SEC24C: variants seen among roughly 807,000 people sequenced by gnomAD.
SEC24C encodes the protein SEC24 homolog C, COPII component, also known as protein transport protein Sec24C.
Under a neutral mutation model 117.0 loss-of-function variants are expected in SEC24C, and 22 were observed. The ratio of observed to expected loss-of-function variants is 0.19; its 90% CI spans 0.13 to 0.27. SEC24C has a LOEUF of 0.27. Ranked by LOEUF, SEC24C falls within the 10% of genes least tolerant of loss-of-function variation. The pLI is 1.00. For synonymous variants in SEC24C, 506 were observed against 529.4 expected, an observed-to-expected ratio of 0.96 and a Z score of 0.61; for missense variants, 1,155 against 1,375.1, an observed-to-expected ratio of 0.84 and a Z score of 2.53.
chr10:73,744,622 C>T (rs943670515), intron 1 of SEC24C, among the ~76,000 whole-genome samples, 185 bp downstream of exon 1: 4 of 152,166 alleles, frequency 2.6e-5, no homozygotes, highest in African/African-American at 9.7e-5. Context: ...CGTCTCCCGG[C>T]CCAGATTCCG....
chr10:73,754,347 A>C (rs1000008222), intron 3 of SEC24C, among the ~76,000 whole-genome samples: 3 of 152,126 alleles, frequency 2.0e-5, no homozygotes, highest in Non-Finnish European at 4.4e-5. Context: ...CCCAGGAGGC[A>C]GAGGTTGCAG....
chr10:73,770,291 C>G lies in SEC24C; in HGVS notation c.2874C>G (p.Pro958=). The part of the protein sequence containing the change: ...YPRLLPLTKS[P]VESTTEPPAV... Reference sequence around the variant, plus strand: ...TTCCTTTTGTCTAGACAAAGTCTCCCGTTGAGAGTACTACCGAACCACCAG... The same window carrying G: ...TTCCTTTTGTCTAGACAAAGTCTCCGGTTGAGAGTACTACCGAACCACCAG... Residue 958 remains proline, a synonymous_variant, in exon 21 of 23, where the codon CCC becomes CCG. Coordinates refer to ENST00000345254, the MANE Select transcript of SEC24C (RefSeq NM_198597.3). 1 of 1,606,772 alleles carries G rather than the reference C, an allele frequency of 6.2e-7. No individual in the cohort carries two copies. The highest frequency in any genetic ancestry group is 8.5e-7 in the Non-Finnish European group (1 of 1,176,126).
chr10:73,759,054 C>T (rs891874020), intron 3 of SEC24C, among the ~76,000 whole-genome samples: 3 of 152,156 alleles, frequency 2.0e-5, no homozygotes, highest in Admixed American at 6.5e-5. Flanking sequence ...AAACTAGCCA[C>T]GCATGGTGGC....
chr10:73,769,468 A>G lies in SEC24C; in HGVS notation c.2546A>G (p.Asn849Ser). The G allele has an allele frequency of 1.2e-6, 2 of 1,614,098 alleles. No individual in the cohort carries two copies. Among genetic ancestry groups the G allele is most frequent in the Non-Finnish European group, 1.7e-6 (2 of 1,180,014 alleles). The change falls in exon 18 of 23, where the codon AAC becomes AGC. Residue 849 changes from asparagine (N) to serine (S), a missense_variant. Coordinates refer to ENST00000345254, the MANE Select transcript of SEC24C (RefSeq NM_198597.3). The surrounding 1 kb of genome is among the most constrained non-coding windows in gnomAD (Gnocchi z 4.5). ...YRNCETDTLI[N>S]YMAKFAYRGV... is the part of the protein sequence containing the mutation. ...AACTGTGAGACTGACACGCTCATCA[A>G]CTACATGGCCAAGTTTGGTGAGGGT...
chr10:73,759,565 A>G, intron 3 of SEC24C, 57 bp from the exon 4 acceptor site: 1 of 1,362,794 alleles, frequency 7.3e-7, no homozygotes, highest in South Asian at 1.8e-5. Context: ...ACACTTCTGT[A>G]GACTTCAAAG....
chr10:73,746,700 G>C, intron 1 of SEC24C, 105 bp from the exon 2 acceptor site: 1 of 687,724 alleles, frequency 1.5e-6, no homozygotes, highest in Non-Finnish European at 2.3e-6. Context: ...TTATTAAACT[G>C]ATCACTGTCT....
In SEC24C at chr10:73,760,340, A is replaced by C; in HGVS notation, c.804A>C (p.Pro268=). Residue 268 remains proline, a synonymous_variant, in exon 5 of 23, where the codon CCA becomes CCC. Transcript: ENST00000345254. ...TQMTGPLGPL[P]PMHSPQQPGY... is the part of the protein sequence containing the mutation. ...TGACTGGGCCCCTGGGACCACTGCC[A>C]CCTATGCACTCCCCGCAGCAGCCAG... is the stretch of plus-strand genomic sequence containing the variant. 2 of 1,609,452 alleles carry C rather than the reference A, an allele frequency of 1.2e-6. No homozygotes were observed. Among genetic ancestry groups the C allele is most frequent in the South Asian group, 2.2e-5 (2 of 91,016 alleles).
intron 1 of SEC24C, among the ~76,000 whole-genome samples, chr10:73,746,295 T>A (rs1181529625): frequency 1.3e-5 from 2 of 152,210 alleles, no homozygotes; most frequent in Non-Finnish European, 2.9e-5. Context: ...AGCCTAAATT[T>A]TGTCATTGAG....
rs971756018 is a variant in SEC24C at position 73,763,781 on chromosome 10, T to C, written c.1100-75T>C. 6.5e-6 allele frequency: 10 copies of C among 1,534,038 alleles called. No homozygotes were observed. The Admixed American group carries it at 1.8e-4, about 28-fold the overall frequency. On this transcript the variant is annotated intron_variant, in intron 7 of 22. Coordinates refer to ENST00000345254, the MANE Select transcript of SEC24C (RefSeq NM_198597.3). ...ACCTCTAGCTTTGTGGAGTTGATGGTGTGGATCACCAATGGAGAGCTGGTG... is the reference window on the plus strand; with the variant it reads ...ACCTCTAGCTTTGTGGAGTTGATGGCGTGGATCACCAATGGAGAGCTGGTG...
intron 6 of SEC24C, chr10:73,762,209 T>A: frequency 1.6e-6 from 2 of 1,247,526 alleles, no homozygotes; most frequent in East Asian, 5.6e-5. Context: ...ATTCCTGTGT[T>A]AGTGCCATCC....
At chr10:73,756,308 T>A (rs981746820) in intron 3 of SEC24C, among the ~76,000 whole-genome samples, 1 of 152,160 alleles carries the variant, frequency 6.6e-6, no homozygotes, top group African/African-American at 2.4e-5. Context: ...GTTTTGGAAC[T>A]GAGACATTGT....
chr10:73,756,956 G>A (rs1003033495), intron 3 of SEC24C, among the ~76,000 whole-genome samples: 21 of 130,184 alleles, frequency 1.6e-4, no homozygotes, highest in African/African-American at 6.2e-4. Flanking sequence ...TGTCACCCAG[G>A]CTGGAGTGAA....
At chr10:73,757,623 G>A (rs1390592593) in intron 3 of SEC24C, among the ~76,000 whole-genome samples, 3 of 151,682 alleles carry the variant, frequency 2.0e-5, no homozygotes, top group Non-Finnish European at 4.4e-5. Context: ...AGGGATTATC[G>A]GAGAAAGGCA....
At chr10:73,760,631 A>C (rs1267308277) in intron 5 of SEC24C, 82 bp from the exon 6 acceptor site, 23 of 1,381,580 alleles carry the variant, frequency 1.7e-5, no homozygotes, top group Non-Finnish European at 1.9e-5. Flanking sequence ...CTATGTTTTT[A>C]GGAGTCTAGT....
chr10:73,758,614 A>G (rs772483190), intron 3 of SEC24C, among the ~76,000 whole-genome samples: 19 of 152,228 alleles, frequency 1.2e-4, no homozygotes, highest in Non-Finnish European at 2.4e-4. Flanking sequence ...TTCTGTCTCT[A>G]AAGATTTCCC....
rs535298510 is a variant in SEC24C, at chr10:73,754,690, A to G, written c.308+3447A>G. On this transcript the variant is annotated intron_variant, in intron 3 of 22. Transcript: ENST00000345254. The stretch of plus-strand genomic sequence containing the variant: ...CAAGACTGATGCTAGGACTGGAGAT[A>G]AAAATTTGGGAGTCCTCAGTCTATA... Among the ~76,000 whole-genome samples, 9 of 152,342 alleles carry G rather than the reference A, an allele frequency of 5.9e-5. No homozygotes were observed. The South Asian group carries it at 1.9e-3, about 32-fold the overall frequency.
chr10:73,770,575 C>T (rs896798739), intron 21 of SEC24C, 104 bp downstream of exon 21: 10 of 1,506,318 alleles, frequency 6.6e-6, no homozygotes, highest in East Asian at 4.5e-5. Flanking sequence ...TATCAGGGAA[C>T]ACTTGGGGAC....
intron 3 of SEC24C, among the ~76,000 whole-genome samples, chr10:73,756,412 T>G (rs1324385239): frequency 6.6e-6 from 1 of 152,132 alleles, no homozygotes; most frequent in East Asian, 1.9e-4. Flanking sequence ...GGAGTGCTGT[T>G]TCTCTCAGGC....
At chr10:73,751,420 G>T (rs2082640684) in intron 3 of SEC24C, among the ~76,000 whole-genome samples, 177 bp downstream of exon 3, 1 of 152,196 alleles carries the variant, frequency 6.6e-6, no homozygotes, top group Admixed American at 6.5e-5. Flanking sequence ...AATTAGCCAG[G>T]TGTGGTGGTG....
Sources: allele counts gnomAD v4.1 joint callset (sites outside exome capture counted in the v4.1 genomes callset), GRCh38; gene constraint gnomAD v4.1.1; non-coding constraint Gnocchi (gnomAD v3.1); transcripts MANE v1.5; gene names NCBI Gene and HGNC (gene_info 2026-07-23, HGNC 2026-07-21).